The following DEPDC1B variants were observed in gnomAD, a reference collection of about 807,000 sequenced individuals.
The protein encoded by DEPDC1B is DEP domain containing 1B.
A neutral mutation model predicts 66.5 loss-of-function variants in DEPDC1B; 51 were observed. The ratio of observed to expected loss-of-function variants is 0.77; its 90% CI spans 0.61 to 0.97. The LOEUF (loss-of-function observed/expected upper bound fraction) is 0.97, where lower values mean the gene tolerates loss of function less well. Ranked by LOEUF, DEPDC1B falls within the 50% of genes least tolerant of loss-of-function variation. The probability of loss-of-function intolerance (pLI) is 0.00; values close to 1 mark genes in which losing one functional copy is unlikely to be tolerated. For missense variants in DEPDC1B, 552 were observed against 637.1 expected (o/e 0.87, Z 1.44); for synonymous variants, 226 against 223.6 (o/e 1.01, Z -0.10).
Position 60,638,125 on chromosome 5 carries a change from T to C in DEPDC1B, c.898+625A>G, listed in dbSNP as rs191992988. On this transcript the variant is annotated intron_variant, in intron 7 of 10. Coordinates refer to ENST00000265036, the MANE Select transcript of DEPDC1B (RefSeq NM_018369.3). ...AAAACAATAATACTTAATGAACAATTACAAGAACAAGAAAATCTGATTTCC... is the reference window on the plus strand; with the variant it reads ...AAAACAATAATACTTAATGAACAATCACAAGAACAAGAAAATCTGATTTCC... Among the ~76,000 whole-genome samples the C allele has an allele frequency of 1.2e-4, 18 of 152,282 alleles. No individual in the cohort carries two copies. The East Asian group carries it at 1.7e-3, about 15-fold the overall frequency.
Position 60,603,512 on chromosome 5 carries a change from T to G in DEPDC1B, c.1121A>C (p.Asp374Ala). ...TACCAATCTAGCAGCTAATAACTCA[T>G]CCAAGTCCACTTCATCCTTGGAACA... is the stretch of plus-strand genomic sequence containing the variant. Reference protein sequence around the residue: ...ILCSKDEVDLDELLAARLVTF... With the variant: ...ILCSKDEVDLAELLAARLVTF... The change falls in exon 9 of 11, where the codon GAT becomes GCT. Residue 374 changes from aspartate to alanine, a missense_variant. Coordinates refer to ENST00000265036, the MANE Select transcript of DEPDC1B (RefSeq NM_018369.3). The G allele has an allele frequency of 6.2e-7, 1 of 1,609,234 alleles. No individual in the cohort carries two copies. The highest frequency in any genetic ancestry group is 8.5e-7 in the Non-Finnish European group (1 of 1,178,846).
At chr5:60,641,350 T>C (rs1297245293) in intron 6 of DEPDC1B, among the ~76,000 whole-genome samples, 2 of 30,522 alleles carry the variant, frequency 6.6e-5, no homozygotes, top group East Asian at 1.1e-3. Context: ...GATCAACTTC[T>C]TTTTTTTTTT....
chr5:60,667,683 ATATAATGGATATTTTACATG>A (rs1753887771), intron 2 of DEPDC1B, among the ~76,000 whole-genome samples: 2 of 143,838 alleles, frequency 1.4e-5, no homozygotes, highest in African/African-American at 5.2e-5. Flanking sequence ...TTTTACATGT[ATATAATGGATATTTTACATG>A]TATATAAAAT....
chr5:60,700,077 A>C lies in DEPDC1B; in HGVS notation c.17T>G (p.Val6Gly). The change falls in exon 1 of 11, where the codon GTG becomes GGG. Residue 6 changes from valine (V) to glycine (G), a missense_variant. Val to Gly is a moderately radical substitution (Grantham distance 109). Coordinates refer to ENST00000265036, the MANE Select transcript of DEPDC1B (RefSeq NM_018369.3). ...GGTAGCTCGGTACGGCCCGGGCCCC[A>C]CGATGCGATGCTCCATGGCGCGTAG... is the stretch of plus-strand genomic sequence containing the variant. MEHRIVGPGPYRATRL... is the reference protein window; with the variant it reads MEHRIGGPGPYRATRL... 1.3e-6 allele frequency: 2 copies of C among 1,557,304 alleles called. No homozygotes were observed. The highest frequency in any genetic ancestry group is 1.7e-6 in the Non-Finnish European group (2 of 1,152,876).
intron 1 of DEPDC1B, among the ~76,000 whole-genome samples, chr5:60,691,677 T>C (rs548220431): frequency 6.6e-6 from 1 of 150,688 alleles, no homozygotes; most frequent in South Asian, 2.1e-4. Context: ...AGGTATATCA[T>C]AAAAAAAAAG....
rs1752244630 is a variant in DEPDC1B at position 60,603,499 on chromosome 5, A to T, written c.1134T>A (p.Ala378=). ...KDEVDLDELL[A]ARLVTFLMDN... is the part of the protein sequence containing the mutation. The stretch of plus-strand genomic sequence containing the variant: ...CCATCAGAAACGTTACCAATCTAGC[A>T]GCTAATAACTCATCCAAGTCCACTT... Residue 378 remains alanine, a synonymous_variant, in exon 9 of 11, where the codon GCT becomes GCA. Coordinates refer to ENST00000265036, the MANE Select transcript of DEPDC1B (RefSeq NM_018369.3). 6.2e-7 allele frequency: 1 copy of T among 1,612,170 alleles called. No homozygotes were observed. Among genetic ancestry groups the T allele is most frequent in the Non-Finnish European group, 8.5e-7 (1 of 1,179,518 alleles).
In DEPDC1B at chr5:60,687,179, GT is replaced by G. The variant is rs1754437498; in HGVS notation, c.96del (p.Lys32AsnfsTer26). 2 of 1,613,818 alleles carry G rather than the reference GT, an allele frequency of 1.2e-6. No homozygotes were observed. Among genetic ancestry groups the G allele is most frequent in the Non-Finnish European group, 1.7e-6 (2 of 1,179,838 alleles). ...ELFRAKMPLR[K>X]HRCRFKSYEH... ...TCATAGCTCTTGAAACGACAGCGATGTTTCCGTAACGGCATCTTAGCACGAA... is the reference window on the plus strand; with the variant it reads ...TCATAGCTCTTGAAACGACAGCGATGTTCCGTAACGGCATCTTAGCACGAA... On this transcript the variant is annotated frameshift_variant, in exon 2 of 11. Coordinates refer to ENST00000265036, the MANE Select transcript of DEPDC1B (RefSeq NM_018369.3). LOFTEE classifies it high-confidence loss of function.
chr5:60,693,218 T>G (rs1584108855), intron 1 of DEPDC1B, among the ~76,000 whole-genome samples: 1 of 152,284 alleles, frequency 6.6e-6, no homozygotes, highest in East Asian at 1.9e-4. Context: ...ACTAAAATTA[T>G]TACCCACATG....
rs1753938623 is a variant in DEPDC1B at position 60,668,182 on chromosome 5, T to TA, written c.314+18779_314+18780insT. Among the ~76,000 whole-genome samples, 2 of 6,512 alleles carry TA rather than the reference T, an allele frequency of 3.1e-4. 1 individual carries two copies. 4.3% of individuals were successfully genotyped at this position (6,512 alleles called of 152,430 possible). Reference sequence around the variant, plus strand: ...TATTATATATATATAAAATGGATATTTTATATATATATAAAATGGATATTT... The same window carrying TA: ...TATTATATATATATAAAATGGATATTATTATATATATATAAAATGGATATTT... On this transcript the variant is annotated intron_variant, in intron 2 of 10. Coordinates refer to ENST00000265036, the MANE Select transcript of DEPDC1B (RefSeq NM_018369.3).
chr5:60,628,718 G>C (rs1193614275), intron 7 of DEPDC1B: 1 of 152,162 alleles, frequency 6.6e-6, no homozygotes, highest in Non-Finnish European at 1.5e-5. Flanking sequence ...ACGTGATGAT[G>C]CCCTTTCCTG....
intron 6 of DEPDC1B, among the ~76,000 whole-genome samples, chr5:60,642,546 T>A (rs1753212767): frequency 6.6e-6 from 1 of 152,200 alleles, no homozygotes; most frequent in South Asian, 2.1e-4. Context: ...TTCCAAACCA[T>A]CCTTCATCCT....
chr5:60,699,443 G>GAAAAAAAAA lies in DEPDC1B; in HGVS notation c.48+594_48+602dup, dbSNP rs528758437. 2.3e-3 allele frequency among the ~76,000 whole-genome samples: 206 copies of GAAAAAAAAA among 89,338 alleles called. 28 individuals carry two copies. The highest frequency in any genetic ancestry group is 9.0e-3 in the African/African-American group (163 of 18,180). The allele number at this position is 89,338 out of a possible 152,430, so 58.6% of individuals were successfully genotyped here. On this transcript the variant is annotated intron_variant, in intron 1 of 10. Coordinates refer to ENST00000265036, the MANE Select transcript of DEPDC1B (RefSeq NM_018369.3). ...CCTCAATACCAAAGCTTTTCTCCCA[G>GAAAAAAAAA]AAAAAAAAAAAAAAAAAAACAGGAA...
chr5:60,675,726 C>T (rs1754140295), intron 2 of DEPDC1B, among the ~76,000 whole-genome samples: 1 of 152,102 alleles, frequency 6.6e-6, no homozygotes, highest in South Asian at 2.1e-4. Context: ...CTTTTCAGCC[C>T]CACGGCTAGC....
chr5:60,689,116 A>G (rs1322735115), intron 1 of DEPDC1B: 1 of 454,412 alleles, frequency 2.2e-6, no homozygotes, highest in Non-Finnish European at 4.4e-6. Flanking sequence ...TCTGCCATAT[A>G]CTGGTTGCAC....
intron 9 of DEPDC1B, among the ~76,000 whole-genome samples, chr5:60,602,069 G>T (rs1470322547): frequency 6.6e-6 from 1 of 151,174 alleles, no homozygotes; most frequent in African/African-American, 2.4e-5. Context: ...AATGATGGGG[G>T]AATTTTTTTC....
At chr5:60,699,102 G>A (rs1754718985) in intron 1 of DEPDC1B, among the ~76,000 whole-genome samples, 1 of 152,138 alleles carries the variant, frequency 6.6e-6, no homozygotes. Flanking sequence ...CTGGTATAGT[G>A]TGTGGCTGGC....
Position 60,599,253 on chromosome 5 carries a change from T to C in DEPDC1B, c.1250A>G (p.Tyr417Cys). The change falls in exon 10 of 11, where the codon TAC becomes TGC. Residue 417 changes from tyrosine (Y) to cysteine (C), a missense_variant. Tyr to Cys is a radical substitution (Grantham distance 194). Transcript: ENST00000265036. ...AGTGATATCCATATCAGCTCCTGGGTATTTTATCTGAGGCAAAAGGATTAG... is the reference window on the plus strand; with the variant it reads ...AGTGATATCCATATCAGCTCCTGGGCATTTTATCTGAGGCAAAAGGATTAG... ...VAHLRRVQIK[Y>C]PGADMDITLS... 1 of 1,593,072 alleles carries C rather than the reference T, an allele frequency of 6.3e-7. No homozygotes were observed. Among genetic ancestry groups the C allele is most frequent in the South Asian group, 1.2e-5 (1 of 86,418 alleles).
chr5:60,624,294 C>T (rs1752766903), intron 7 of DEPDC1B, among the ~76,000 whole-genome samples: 1 of 152,094 alleles, frequency 6.6e-6, no homozygotes. Flanking sequence ...ATGAATTATA[C>T]TGATTGATTT....
intron 7 of DEPDC1B, among the ~76,000 whole-genome samples, chr5:60,613,812 G>GTGTC (rs1391336316): frequency 8.3e-6 from 1 of 119,996 alleles, no homozygotes; most frequent in Admixed American, 9.3e-5. Context: ...GTGTGTGTGT[G>GTGTC]TGTGTGTGTG....
Sources: allele counts gnomAD v4.1 joint callset (sites outside exome capture counted in the v4.1 genomes callset), GRCh38; gene constraint gnomAD v4.1.1; transcripts MANE v1.5; gene names NCBI Gene and HGNC (gene_info 2026-07-23, HGNC 2026-07-21).